Variants in PRORP observed in about 807,000 individuals in gnomAD.
PRORP encodes the protein mitochondrial ribonuclease P catalytic subunit.
PRORP carries 51 observed loss-of-function variants against 59.4 expected under a neutral mutation model. The observed-to-expected ratio is 0.86, with a 90% CI of 0.69 to 1.08. The LOEUF (loss-of-function observed/expected upper bound fraction) is 1.08, where lower values mean the gene tolerates loss of function less well. PRORP is among the 50% of genes least tolerant of loss of function. The probability of loss-of-function intolerance (pLI) is 0.00; values close to 1 mark genes in which losing one functional copy is unlikely to be tolerated. For missense variants in PRORP, 646 were observed against 690.3 expected, an observed-to-expected ratio of 0.94 and a Z score of 0.72; for synonymous variants, 231 against 245.6, an observed-to-expected ratio of 0.94 and a Z score of 0.55.
At chr14:35,251,819 G>A (rs1238569808) in intron 5 of PRORP, among the ~76,000 whole-genome samples, 1 of 151,986 alleles carries the variant, frequency 6.6e-6, no homozygotes, top group African/African-American at 2.4e-5. Context: ...CTCCCAAAGT[G>A]CTGGGATTAC....
intron 5 of PRORP, among the ~76,000 whole-genome samples, chr14:35,226,161 G>A (rs2049928984): frequency 6.6e-6 from 1 of 152,090 alleles, no homozygotes; most frequent in African/African-American, 2.4e-5. Context: ...TTAACTATTT[G>A]GTGTTAGCCA....
chr14:35,180,803 T>C, intron 5 of PRORP, 26 bp downstream of exon 5: 1 of 1,380,478 alleles, frequency 7.2e-7, no homozygotes, highest in Non-Finnish European at 1.0e-6. Flanking sequence ...ACTTTGTTAT[T>C]CCACATCTCT....
Position 35,123,029 on chromosome 14 carries a change from C to T in PRORP, c.-217C>T. 1.8e-6 allele frequency: 1 copy of T among 552,698 alleles called. No individual in the cohort carries two copies. The highest frequency in any genetic ancestry group is 1.9e-5 in the African/African-American group (1 of 53,298). The allele number at this position is 552,698 out of a possible 1,614,324, so 34.2% of individuals were successfully genotyped here. A position where few individuals can be genotyped will look rare whatever the true frequency, so the allele number is the denominator to read the frequency against. ...GTTTGCGGCTTGCGACGTTGGACAT[C>T]CCCGGATTGTTGTTTAATAGAGAAA... On this transcript the variant is annotated 5_prime_UTR_variant, in exon 2 of 8. Transcript: ENST00000534898.
chr14:35,273,150 C>T (rs2051236942), intron 7 of PRORP, among the ~76,000 whole-genome samples: 1 of 152,126 alleles, frequency 6.6e-6, no homozygotes, highest in African/African-American at 2.4e-5. Flanking sequence ...TTTTCACTCT[C>T]ACACACAAAA....
chr14:35,251,011 C>T (rs1187067398), intron 5 of PRORP, among the ~76,000 whole-genome samples: 1 of 152,114 alleles, frequency 6.6e-6, no homozygotes, highest in Non-Finnish European at 1.5e-5. Flanking sequence ...TATTTTATCC[C>T]TTACCCCTTC....
At chr14:35,219,767 G>A (rs994063545) in intron 5 of PRORP, among the ~76,000 whole-genome samples, 1 of 152,116 alleles carries the variant, frequency 6.6e-6, no homozygotes, top group Non-Finnish European at 1.5e-5. Context: ...CCTCTCTATT[G>A]TCTAGAGAGT....
intron 4 of PRORP, among the ~76,000 whole-genome samples, chr14:35,150,285 A>G (rs756935773): frequency 1.4e-4 from 21 of 152,162 alleles, no homozygotes; most frequent in Non-Finnish European, 1.6e-4. Context: ...TAATTTCAGT[A>G]TTGTTGTGTC....
intron 4 of PRORP, among the ~76,000 whole-genome samples, chr14:35,167,164 G>A (rs1470141370): frequency 6.6e-6 from 1 of 152,088 alleles, no homozygotes; most frequent in Admixed American, 6.6e-5. Flanking sequence ...TGCTGTATTT[G>A]CCTAACTCTC....
At chr14:35,164,712 G>A (rs900202655) in intron 4 of PRORP, among the ~76,000 whole-genome samples, 7 of 152,060 alleles carry the variant, frequency 4.6e-5, no homozygotes, top group African/African-American at 7.2e-5. Context: ...CCCATGTAAC[G>A]AACCTCTACA....
chr14:35,128,134 T>G (rs931375629), intron 4 of PRORP, among the ~76,000 whole-genome samples: 1 of 152,216 alleles, frequency 6.6e-6, no homozygotes, highest in African/African-American at 2.4e-5. Flanking sequence ...TTTGTGTATA[T>G]TGAACCATCC....
rs781779081 is a variant in PRORP at position 35,238,384 on chromosome 14, A to G, written c.1276-28343A>G. ...ACCTGTAGGTTTGGACAGCCTACCAATGCCAGAAATTAGGATTTGGAGGAT... is the reference window on the plus strand; with the variant it reads ...ACCTGTAGGTTTGGACAGCCTACCAGTGCCAGAAATTAGGATTTGGAGGAT... On this transcript the variant is annotated intron_variant, in intron 5 of 7. Coordinates refer to ENST00000534898, the MANE Select transcript of PRORP (RefSeq NM_014672.4). 2.6e-5 allele frequency among the ~76,000 whole-genome samples: 4 copies of G among 152,172 alleles called. 1 individual carries two copies. The highest frequency in any genetic ancestry group is 5.9e-5 in the Non-Finnish European group (4 of 68,028).
chr14:35,164,252 CAG>C (rs1278812425), intron 4 of PRORP, among the ~76,000 whole-genome samples: 5 of 152,192 alleles, frequency 3.3e-5, no homozygotes, highest in African/African-American at 1.2e-4. Flanking sequence ...TAACTTAAAA[CAG>C]AGCAACCATT....
chr14:35,151,667 C>CACACAT (rs1416655857), intron 4 of PRORP, among the ~76,000 whole-genome samples: 1 of 151,518 alleles, frequency 6.6e-6, no homozygotes, highest in African/African-American at 2.4e-5. Context: ...CACACACACA[C>CACACAT]ACACACACAC....
intron 5 of PRORP, among the ~76,000 whole-genome samples, chr14:35,208,568 T>C (rs2049354060): frequency 6.6e-6 from 1 of 152,216 alleles, no homozygotes; most frequent in African/African-American, 2.4e-5. Flanking sequence ...CATTTCAACA[T>C]GTAACTTAAA....
chr14:35,261,156 A>T (rs551871993), intron 5 of PRORP, among the ~76,000 whole-genome samples: 18 of 152,292 alleles, frequency 1.2e-4, no homozygotes, highest in African/African-American at 4.3e-4. Context: ...TTCTAGGTTG[A>T]CAGCTTCTTC....
At position 35,123,652 on chromosome 14, in the gene PRORP, G is replaced by T. The variant is rs1215441402; in HGVS notation, c.407G>T (p.Gly136Val). Residue 136 changes from glycine (G) to valine (V), a missense_variant, in exon 2 of 8, where the codon GGA (glycine) becomes GTA (valine). Physicochemically the swap from Gly to Val is moderately radical, Grantham distance 109. Transcript: ENST00000534898. ...KLKEDLKENT[G>V]KTSFESWIIS... is the part of the protein sequence containing the mutation. Reference sequence around the variant, plus strand: ...AAGGAAGATTTAAAAGAAAACACCGGAAAGACCAGTTTCGAAAGTTGGATC... The same window carrying T: ...AAGGAAGATTTAAAAGAAAACACCGTAAAGACCAGTTTCGAAAGTTGGATC... 1 of 1,614,058 alleles carries T rather than the reference G, an allele frequency of 6.2e-7. No individual in the cohort carries two copies. The highest frequency in any genetic ancestry group is 8.5e-7 in the Non-Finnish European group (1 of 1,180,046).
intron 5 of PRORP, among the ~76,000 whole-genome samples, chr14:35,196,022 C>T (rs2048999456): frequency 6.6e-6 from 1 of 152,184 alleles, no homozygotes; most frequent in African/African-American, 2.4e-5. Context: ...TAATTGTAAG[C>T]TTCTCCCTAG....
At chr14:35,265,896 C>G (rs910861281) in intron 5 of PRORP, among the ~76,000 whole-genome samples, 1 of 151,806 alleles carries the variant, frequency 6.6e-6, no homozygotes, top group African/African-American at 2.4e-5. Flanking sequence ...CTGAACTAGG[C>G]TGGGTGCAGT....
chr14:35,158,776 C>T, intron 4 of PRORP: 1 of 360,878 alleles, frequency 2.8e-6, no homozygotes, highest in South Asian at 2.7e-5. Flanking sequence ...CTTAACACTA[C>T]CTTCCTTGAT....
Sources: gnomAD v4.1 joint callset for allele counts (sites outside exome capture counted in the v4.1 genomes callset) on GRCh38, gnomAD v4.1.1 for gene constraint, MANE v1.5 for transcripts, NCBI Gene and HGNC (gene_info 2026-07-23, HGNC 2026-07-21) for gene names.